Variants in KPNA6 observed in about 807,000 individuals in gnomAD.
The protein encoded by KPNA6 is karyopherin subunit alpha 6, also known as importin subunit alpha-7.
KPNA6 carries 9 observed loss-of-function variants against 72.0 expected under a neutral mutation model. The observed-to-expected ratio is 0.13, with a 90% CI of 0.08 to 0.22. The LOEUF is 0.22. Ranked by LOEUF, KPNA6 falls within the 10% of genes least tolerant of loss-of-function variation. The pLI is 1.00. For synonymous variants in KPNA6, 219 were observed against 242.1 expected (o/e 0.90, Z 0.89); for missense variants, 374 against 655.7 (o/e 0.57, Z 4.69).
At chr1:32,143,345 C>T (rs1641873300) in intron 1 of KPNA6, among the ~76,000 whole-genome samples, 1 of 151,984 alleles carries the variant, frequency 6.6e-6, no homozygotes. Flanking sequence ...GCAGTACAGG[C>T]CTGAGCCCAG....
intron 1 of KPNA6, among the ~76,000 whole-genome samples, chr1:32,137,603 A>G (rs959913777): frequency 1.3e-5 from 2 of 152,200 alleles, no homozygotes; most frequent in East Asian, 3.8e-4. Context: ...TAGATGGAAC[A>G]TTTGAGGGCA....
chr1:32,164,689 T>TTA (rs1642300601), intron 10 of KPNA6, among the ~76,000 whole-genome samples: 1 of 126,106 alleles, frequency 7.9e-6, no homozygotes, highest in African/African-American at 3.2e-5. Context: ...CATCTGTGTA[T>TTA]TTTTTTTTTT....
In KPNA6 at chr1:32,170,846, G is replaced by A; in HGVS notation, c.1563G>A (p.Gln521=). Residue 521 remains glutamine, a synonymous_variant, in exon 14 of 14, where the codon CAG becomes CAA. Coordinates refer to ENST00000373625, the MANE Select transcript of KPNA6 (RefSeq NM_012316.5). The part of the protein sequence containing the change: ...LAPQVDETQQ[Q]FIFQQPEAPM... The stretch of plus-strand genomic sequence containing the variant: ...CCCAAGTCGATGAAACGCAACAGCA[G>A]TTCATCTTCCAGCAGCCTGAGGCCC... The A allele has an allele frequency of 1.2e-6, 2 of 1,614,226 alleles. No individual in the cohort carries two copies. Among genetic ancestry groups the A allele is most frequent in the South Asian group, 2.2e-5 (2 of 91,084 alleles).
At chr1:32,109,793 C>T (rs918627989) in intron 1 of KPNA6, among the ~76,000 whole-genome samples, 2 of 151,450 alleles carry the variant, frequency 1.3e-5, no homozygotes, top group East Asian at 3.9e-4. Flanking sequence ...TACAGGTGCC[C>T]GCCACCACGC....
intron 1 of KPNA6, among the ~76,000 whole-genome samples, chr1:32,134,158 G>A (rs1270561608): frequency 6.6e-6 from 1 of 151,364 alleles, no homozygotes; most frequent in Non-Finnish European, 1.5e-5. Context: ...TGGGGAGGCC[G>A]AGGCAGGAGA....
intron 1 of KPNA6, among the ~76,000 whole-genome samples, chr1:32,135,527 C>G (rs1235277014): frequency 7.3e-6 from 1 of 137,310 alleles, no homozygotes; most frequent in Non-Finnish European, 1.6e-5. Flanking sequence ...GAGGCAGGGT[C>G]TAATTATGTT....
intron 1 of KPNA6, chr1:32,143,136 C>T (rs141889146): frequency 1.4e-4 from 78 of 539,666 alleles, no homozygotes; most frequent in African/African-American, 1.3e-3. Flanking sequence ...AGACACAGCT[C>T]ACTTGCAGCC....
Position 32,125,527 on chromosome 1 carries a change from C to T in KPNA6, c.4+17393C>T, listed in dbSNP as rs920535407. On this transcript the variant is annotated intron_variant, in intron 1 of 13. Transcript: ENST00000373625. ...CCATCTGGTCACCATAATTTTGTAG[C>T]ATAGATCCTGCATATATTTTGGCTG... Among the ~76,000 whole-genome samples the T allele has an allele frequency of 2.0e-5, 3 of 152,310 alleles. No individual in the cohort carries two copies. In the East Asian group the frequency reaches 5.8e-4, roughly 29 times the overall value.
chr1:32,156,976 C>A (rs757333815), intron 3 of KPNA6, 31 bp downstream of exon 3: 2 of 1,496,910 alleles, frequency 1.3e-6, no homozygotes, highest in Non-Finnish European at 1.9e-6. Flanking sequence ...TCAGGCTGAC[C>A]TGGAAAACAC....
At chr1:32,108,521 C>T (rs1641186521) in intron 1 of KPNA6, among the ~76,000 whole-genome samples, 1 of 152,232 alleles carries the variant, frequency 6.6e-6, no homozygotes, top group South Asian at 2.1e-4. Flanking sequence ...TTGTGTTTGG[C>T]CAACGCGTGT....
At chr1:32,117,677 T>G (rs768770361) in intron 1 of KPNA6, among the ~76,000 whole-genome samples, 4 of 152,084 alleles carry the variant, frequency 2.6e-5, no homozygotes, top group Non-Finnish European at 5.9e-5. Context: ...TGAATCACAG[T>G]AAAATGAGAT....
intron 1 of KPNA6, among the ~76,000 whole-genome samples, chr1:32,151,869 C>T (rs1352545134): frequency 3.3e-5 from 5 of 152,204 alleles, no homozygotes; most frequent in African/African-American, 1.2e-4. Flanking sequence ...TAATTTGGCT[C>T]ACTTTATAAC....
chr1:32,147,657 T>C (rs1314734856), intron 1 of KPNA6, among the ~76,000 whole-genome samples: 11 of 133,142 alleles, frequency 8.3e-5, no homozygotes, highest in South Asian at 5.2e-4. Context: ...TTTCTTTTTT[T>C]TTTTTTTTTT....
intron 1 of KPNA6, among the ~76,000 whole-genome samples, chr1:32,119,726 G>A (rs1641397463): frequency 6.7e-6 from 1 of 148,216 alleles, no homozygotes; most frequent in Admixed American, 7.0e-5. Flanking sequence ...TCTCCCTCTT[G>A]AAGCTGGAAA....
chr1:32,160,124 C>T (rs1201639961), intron 6 of KPNA6, among the ~76,000 whole-genome samples: 1 of 152,058 alleles, frequency 6.6e-6, no homozygotes, highest in Admixed American at 6.6e-5. Context: ...TGGTGAAACT[C>T]CATCTCTACT....
At chr1:32,115,738 C>T (rs1272248377) in intron 1 of KPNA6, among the ~76,000 whole-genome samples, 1 of 151,942 alleles carries the variant, frequency 6.6e-6, no homozygotes, top group Non-Finnish European at 1.5e-5. Context: ...ACATTGATGG[C>T]TTCTTTCCTT....
intron 1 of KPNA6, among the ~76,000 whole-genome samples, chr1:32,132,797 G>A (rs537549920): frequency 5.7e-4 from 87 of 152,274 alleles, no homozygotes; most frequent in Admixed American, 3.3e-4. Context: ...CAGCTACTCC[G>A]GAGGCTGGGA....
At chr1:32,169,364 C>CAAAA (rs1297416743) in intron 12 of KPNA6, among the ~76,000 whole-genome samples, 1 of 121,062 alleles carries the variant, frequency 8.3e-6, no homozygotes. Flanking sequence ...GACCCTGTCT[C>CAAAA]AAAAAAAAAA....
intron 1 of KPNA6, among the ~76,000 whole-genome samples, chr1:32,132,689 G>A (rs1469282241): frequency 3.3e-5 from 5 of 151,892 alleles, no homozygotes; most frequent in South Asian, 2.1e-4. Context: ...AGATCACAAG[G>A]TCAGGAGATC....
Sources: allele counts gnomAD v4.1 joint callset (sites outside exome capture counted in the v4.1 genomes callset), GRCh38; gene constraint gnomAD v4.1.1; transcripts MANE v1.5; gene names NCBI Gene and HGNC (gene_info 2026-07-23, HGNC 2026-07-21).